CNTN5: variants seen among roughly 807,000 people sequenced by gnomAD.
CNTN5 encodes contactin 5.
A neutral mutation model predicts 129.1 loss-of-function variants in CNTN5; 77 were observed. That is an observed-to-expected ratio of 0.60 (90% CI 0.50 to 0.72). CNTN5 has a LOEUF of 0.72. Ranked by LOEUF, CNTN5 falls within the 30% of genes least tolerant of loss-of-function variation. The pLI, the probability that CNTN5 is intolerant of heterozygous loss-of-function variation, is 0.00. For synonymous variants in CNTN5, 509 were observed against 465.6 expected (o/e 1.09, Z -1.20); for missense variants, 1,478 against 1,328.8 (o/e 1.11, Z -1.75).
At chr11:99,864,433 C>A (rs1310242445) in intron 6 of CNTN5, among the ~76,000 whole-genome samples, 4 of 152,042 alleles carry the variant, frequency 2.6e-5, no homozygotes, top group African/African-American at 7.2e-5. Flanking sequence ...TAACCCTCTC[C>A]ATATCTTATT....
intron 3 of CNTN5, among the ~76,000 whole-genome samples, chr11:99,724,553 T>G (rs1943275014): frequency 6.6e-6 from 1 of 152,224 alleles, no homozygotes; most frequent in African/African-American, 2.4e-5. Context: ...GGACAGGTAC[T>G]ATTATTATCC....
At chr11:100,101,726 C>T (rs1945231210) in intron 13 of CNTN5, among the ~76,000 whole-genome samples, 1 of 151,974 alleles carries the variant, frequency 6.6e-6, no homozygotes, top group Non-Finnish European at 1.5e-5. Flanking sequence ...TATTGCTCAC[C>T]CCACTCCCAG....
At chr11:99,601,268 A>C (rs1294795609) in intron 3 of CNTN5, among the ~76,000 whole-genome samples, 2 of 152,182 alleles carry the variant, frequency 1.3e-5, no homozygotes, top group Non-Finnish European at 2.9e-5. Context: ...ATAACCTCAA[A>C]AAATATAGTC....
At chr11:99,133,015 G>T (rs1259893346) in intron 1 of CNTN5, among the ~76,000 whole-genome samples, 2 of 152,092 alleles carry the variant, frequency 1.3e-5, no homozygotes, top group African/African-American at 4.8e-5. Flanking sequence ...GTACTACAAG[G>T]CTGCAGTAAC....
chr11:99,542,001 G>A (rs1277860697), intron 2 of CNTN5, among the ~76,000 whole-genome samples: 1 of 150,534 alleles, frequency 6.6e-6, no homozygotes, highest in Non-Finnish European at 1.5e-5. Context: ...AAAGAAATGT[G>A]GGGACAAATA....
At chr11:99,500,837 T>A (rs1946399234) in intron 2 of CNTN5, among the ~76,000 whole-genome samples, 2 of 152,194 alleles carry the variant, frequency 1.3e-5, no homozygotes, top group African/African-American at 4.8e-5. Flanking sequence ...TCAATAAGTA[T>A]GTTTATTTAA....
At chr11:99,202,822 T>C (rs901972180) in intron 1 of CNTN5, among the ~76,000 whole-genome samples, 1 of 151,448 alleles carries the variant, frequency 6.6e-6, no homozygotes, top group African/African-American at 2.4e-5. Flanking sequence ...TAAATGCCAT[T>C]GAATACTTCT....
intron 3 of CNTN5, among the ~76,000 whole-genome samples, chr11:99,635,847 A>G (rs1951530357): frequency 6.6e-6 from 1 of 152,092 alleles, no homozygotes; most frequent in Non-Finnish European, 1.5e-5. Flanking sequence ...CAGTCACTTT[A>G]TTTATAAAAG....
chr11:99,527,405 C>G lies in CNTN5; in HGVS notation c.-70-28740C>G, dbSNP rs184608685. Among the ~76,000 whole-genome samples, 309 of 152,230 alleles carry G rather than the reference C, an allele frequency of 2.0e-3. 1 individual carries two copies. The highest frequency in any genetic ancestry group is 7.1e-3 in the African/African-American group (296 of 41,532). On this transcript the variant is annotated intron_variant, in intron 2 of 24. Coordinates refer to ENST00000524871, the MANE Select transcript of CNTN5 (RefSeq NM_014361.4). ...TTCCTTTTATGCAACTGTTCTCTTA[C>G]AGTCAGAGACACCAAGTCTTTAATA... is the stretch of plus-strand genomic sequence containing the variant.
chr11:99,328,870 CAAAAA>C (rs10542347), intron 2 of CNTN5, among the ~76,000 whole-genome samples: 1 of 87,652 alleles, frequency 1.1e-5, no homozygotes, highest in Non-Finnish European at 2.2e-5. Context: ...AACTCCATCT[CAAAAA>C]AAAAAAAAAA....
At position 99,774,221 on chromosome 11, in the gene CNTN5, C is replaced by T. The variant is rs554406706; in HGVS notation, c.56-45323C>T. ...AACTCTGTCTAGTACATTGCAGATGCTCATCAAATACTTGTTTGTGGGTAA... is the reference window on the plus strand; with the variant it reads ...AACTCTGTCTAGTACATTGCAGATGTTCATCAAATACTTGTTTGTGGGTAA... On this transcript the variant is annotated intron_variant, in intron 3 of 24. Coordinates refer to ENST00000524871, the MANE Select transcript of CNTN5 (RefSeq NM_014361.4). Among the ~76,000 whole-genome samples, 18 of 151,806 alleles carry T rather than the reference C, an allele frequency of 1.2e-4. No individual in the cohort carries two copies. The South Asian group carries it at 3.7e-3, about 32-fold the overall frequency.
chr11:99,262,704 T>C (rs540723730), intron 1 of CNTN5, among the ~76,000 whole-genome samples: 1 of 152,082 alleles, frequency 6.6e-6, no homozygotes, highest in African/African-American at 2.4e-5. Flanking sequence ...AATTATGTTA[T>C]GTAAAAACTT....
At chr11:99,184,337 A>T (rs1397827789) in intron 1 of CNTN5, among the ~76,000 whole-genome samples, 1 of 151,992 alleles carries the variant, frequency 6.6e-6, no homozygotes, top group African/African-American at 2.4e-5. Context: ...TTACAATTTT[A>T]TGAACTCACA....
At chr11:99,562,093 A>G (rs971275182) in intron 3 of CNTN5, among the ~76,000 whole-genome samples, 1 of 152,168 alleles carries the variant, frequency 6.6e-6, no homozygotes, top group African/African-American at 2.4e-5. Context: ...TGTTTGTAAG[A>G]GTGTCTCTCT....
intron 3 of CNTN5, among the ~76,000 whole-genome samples, chr11:99,719,370 G>A (rs1021993573): frequency 6.6e-6 from 1 of 151,456 alleles, no homozygotes; most frequent in Non-Finnish European, 1.5e-5. Context: ...ATTTAAGAAG[G>A]CCACTCTTTC....
At chr11:99,198,192 A>G (rs1436055689) in intron 1 of CNTN5, among the ~76,000 whole-genome samples, 1 of 152,092 alleles carries the variant, frequency 6.6e-6, no homozygotes, top group African/African-American at 2.4e-5. Flanking sequence ...CAATGGTGAA[A>G]TCTGCAAGTA....
intron 1 of CNTN5, among the ~76,000 whole-genome samples, chr11:99,027,398 A>G (rs1433184898): frequency 6.6e-6 from 1 of 151,604 alleles, no homozygotes; most frequent in Non-Finnish European, 1.5e-5. Context: ...TAAAGGTAGT[A>G]GCGATTTTAG....
chr11:99,421,363 G>A (rs1942881492), intron 2 of CNTN5, among the ~76,000 whole-genome samples: 1 of 152,116 alleles, frequency 6.6e-6, no homozygotes, highest in Non-Finnish European at 1.5e-5. Context: ...TCACTCTAAA[G>A]AGGCTACCCA....
intron 1 of CNTN5, among the ~76,000 whole-genome samples, chr11:99,198,697 A>G (rs1859025215): frequency 6.6e-6 from 1 of 152,186 alleles, no homozygotes; most frequent in Admixed American, 6.5e-5. Context: ...CAAGGTAAAA[A>G]ATAGGTTGGG....
Sources: allele counts gnomAD v4.1 joint callset (sites outside exome capture counted in the v4.1 genomes callset), GRCh38; gene constraint gnomAD v4.1.1; transcripts MANE v1.5; gene names NCBI Gene and HGNC (gene_info 2026-07-23, HGNC 2026-07-21).